The following KCNIP4 variants were observed in gnomAD, a reference collection of about 807,000 sequenced individuals.
The protein encoded by KCNIP4 is Kv channel-interacting protein 4.
In KCNIP4, 12 loss-of-function variants were observed where a neutral mutation model predicts 34.0. That is an observed-to-expected ratio of 0.35 (90% CI 0.23 to 0.57). The LOEUF is 0.57. Among genes scored for constraint, KCNIP4 ranks in the 20% least tolerant of loss-of-function variants. KCNIP4 has a pLI of 0.83. For synonymous variants in KCNIP4, 124 were observed against 102.2 expected (o/e 1.21, Z -1.29); for missense variants, 238 against 311.7 (o/e 0.76, Z 1.78).
chr4:21,063,258 C>T (rs1744080455), intron 1 of KCNIP4, among the ~76,000 whole-genome samples: 1 of 152,058 alleles, frequency 6.6e-6, no homozygotes, highest in African/African-American at 2.4e-5. Context: ...TTGCTTAAGC[C>T]ACCCAGTTTG....
At chr4:21,680,218 A>G (rs186883617) in intron 1 of KCNIP4, among the ~76,000 whole-genome samples, 11 of 152,362 alleles carry the variant, frequency 7.2e-5, no homozygotes, top group African/African-American at 2.2e-4. Flanking sequence ...CAGCATCTTC[A>G]TGAGGAGTAG....
At chr4:20,742,544 A>G (rs1751382292) in intron 5 of KCNIP4, among the ~76,000 whole-genome samples, 3 of 152,116 alleles carry the variant, frequency 2.0e-5, no homozygotes. Flanking sequence ...CTCTCAATAA[A>G]CTAGGTATTA....
intron 3 of KCNIP4, among the ~76,000 whole-genome samples, chr4:20,829,923 A>G (rs926864766): frequency 6.6e-6 from 1 of 152,054 alleles, no homozygotes; most frequent in African/African-American, 2.4e-5. Flanking sequence ...CTAGATTTAT[A>G]TATATGCAAC....
At chr4:21,631,450 G>C (rs1357668374) in intron 1 of KCNIP4, among the ~76,000 whole-genome samples, 1 of 152,148 alleles carries the variant, frequency 6.6e-6, no homozygotes, top group Non-Finnish European at 1.5e-5. Context: ...TCTTAGATAT[G>C]AGGTAAATCA....
chr4:21,142,748 A>T (rs1481530412), intron 1 of KCNIP4, among the ~76,000 whole-genome samples: 1 of 152,206 alleles, frequency 6.6e-6, no homozygotes, highest in Non-Finnish European at 1.5e-5. Context: ...AACGTGTCAC[A>T]GCTATTTAGA....
At chr4:20,999,767 G>A (rs1039187271) in intron 1 of KCNIP4, among the ~76,000 whole-genome samples, 11 of 151,828 alleles carry the variant, frequency 7.2e-5, no homozygotes, top group Non-Finnish European at 1.5e-4. Context: ...AGTACAAGAT[G>A]ATATTCAAGT....
intron 1 of KCNIP4, among the ~76,000 whole-genome samples, chr4:21,323,226 G>T (rs1394178122): frequency 8.7e-5 from 13 of 150,206 alleles, no homozygotes; most frequent in Non-Finnish European, 3.0e-5. Flanking sequence ...AATCAAATGA[G>T]ATATCTCTAA....
At chr4:20,732,091 T>A (rs1166292840) in intron 7 of KCNIP4, 23 bp from the exon 8 acceptor site, 1 of 1,312,226 alleles carries the variant, frequency 7.6e-7, no homozygotes, top group African/African-American at 1.5e-5. Context: ...AAAACAAAAA[T>A]TGTATTTAGA....
chr4:21,615,367 C>T (rs908846359), intron 1 of KCNIP4, among the ~76,000 whole-genome samples: 2 of 147,100 alleles, frequency 1.4e-5, no homozygotes, highest in Admixed American at 6.9e-5. Context: ...GGTGAAACCC[C>T]GTCTCTACTA....
intron 3 of KCNIP4, among the ~76,000 whole-genome samples, chr4:20,825,125 G>C (rs1013978091): frequency 2.0e-5 from 3 of 151,998 alleles, no homozygotes; most frequent in Non-Finnish European, 4.4e-5. Context: ...AAGCAGACAG[G>C]GTGCCTTGGC....
intron 1 of KCNIP4, among the ~76,000 whole-genome samples, chr4:21,107,916 T>C (rs1174703294): frequency 4.0e-5 from 6 of 151,488 alleles, no homozygotes; most frequent in Non-Finnish European, 8.8e-5. Flanking sequence ...TTAAAAATGT[T>C]GAATATTGCC....
At chr4:20,865,837 A>G (rs9291418) in intron 2 of KCNIP4, among the ~76,000 whole-genome samples, 57,648 of 151,880 alleles carry the variant, frequency 0.38, 13,646 homozygotes, top group African/African-American at 0.68. Context: ...TAGATTTTAG[A>G]TGCTCTTGCT....
chr4:21,152,478 C>G (rs1752825447), intron 1 of KCNIP4, among the ~76,000 whole-genome samples: 1 of 152,004 alleles, frequency 6.6e-6, no homozygotes, highest in Non-Finnish European at 1.5e-5. Flanking sequence ...TCTATCACTG[C>G]CCCACCAAAC....
In KCNIP4 at chr4:21,330,447, T is replaced by C. The variant is rs548911249; in HGVS notation, c.62-447738A>G. The stretch of plus-strand genomic sequence containing the variant: ...ATAATAACATTTATAGTTACAGAAT[T>C]CTGATTATATGAATTCCATGAATTA... On this transcript the variant is annotated intron_variant, in intron 1 of 8. Transcript: ENST00000382152. Among the ~76,000 whole-genome samples, 3 of 152,294 alleles carry C rather than the reference T, an allele frequency of 2.0e-5. No individual in the cohort carries two copies. In the East Asian group the frequency reaches 5.8e-4, roughly 29 times the overall value.
At chr4:21,790,481 C>T (rs944163979) in intron 1 of KCNIP4, among the ~76,000 whole-genome samples, 1 of 152,030 alleles carries the variant, frequency 6.6e-6, no homozygotes, top group East Asian at 1.9e-4. Flanking sequence ...ATTTACCTTT[C>T]CAAAACCTCA....
chr4:21,383,492 G>A (rs1213325608), intron 1 of KCNIP4, among the ~76,000 whole-genome samples: 13 of 51,964 alleles, frequency 2.5e-4, no homozygotes, highest in Admixed American at 1.7e-3. Context: ...TGTAGGAGTA[G>A]CAAGACAAAA....
At chr4:21,419,068 A>G (rs1388842453) in intron 1 of KCNIP4, among the ~76,000 whole-genome samples, 1 of 152,200 alleles carries the variant, frequency 6.6e-6, no homozygotes, top group Non-Finnish European at 1.5e-5. Flanking sequence ...CCTGTCCTCC[A>G]TAATGCACTA....
chr4:21,169,695 T>C (rs1056170007), intron 1 of KCNIP4, among the ~76,000 whole-genome samples: 1 of 150,040 alleles, frequency 6.7e-6, no homozygotes, highest in Non-Finnish European at 1.5e-5. Flanking sequence ...TGTGTGTGTG[T>C]GTGTGTGTGT....
At position 20,882,998 on chromosome 4, in the gene KCNIP4, A is replaced by T. The variant is rs183909697; in HGVS notation, c.62-289T>A. On this transcript the variant is annotated intron_variant, in intron 1 of 8. Coordinates refer to ENST00000382152, the MANE Select transcript of KCNIP4 (RefSeq NM_025221.6). ...AAAAGATTAAAAAAAGCCACCAAAA[A>T]AATCTGGTGGTTTTTTTTTTTTTTT... 1.8e-3 allele frequency among the ~76,000 whole-genome samples: 253 copies of T among 137,992 alleles called. 1 individual carries two copies. Among genetic ancestry groups the T allele is most frequent in the African/African-American group, 6.6e-3 (241 of 36,586 alleles). The allele number at this position is 137,992 out of a possible 152,430, so 90.5% of individuals were successfully genotyped here.
Sources: gnomAD v4.1 joint callset for allele counts (sites outside exome capture counted in the v4.1 genomes callset) on GRCh38, gnomAD v4.1.1 for gene constraint, MANE v1.5 for transcripts, NCBI Gene and HGNC (gene_info 2026-07-23, HGNC 2026-07-21) for gene names.